Variants in ZFAND3 observed in about 807,000 individuals in gnomAD.
ZFAND3 encodes the protein AN1-type zinc finger protein 3.
A neutral mutation model predicts 29.6 loss-of-function variants in ZFAND3; 10 were observed. The observed-to-expected ratio is 0.34, with a 90% CI of 0.21 to 0.57. The LOEUF is 0.57. Ranked by LOEUF, ZFAND3 falls within the 20% of genes least tolerant of loss-of-function variation. The pLI is 0.86. For synonymous variants in ZFAND3, 128 were observed against 112.6 expected (o/e 1.14, Z -0.87); for missense variants, 230 against 304.5 (o/e 0.76, Z 1.82).
chr6:38,104,037 C>T (rs949847184), intron 4 of ZFAND3, among the ~76,000 whole-genome samples: 5 of 152,178 alleles, frequency 3.3e-5, no homozygotes, highest in African/African-American at 1.2e-4. Flanking sequence ...CAGGAGAGGT[C>T]TTGCTGATAT....
chr6:38,091,737 G>A (rs55764358), intron 4 of ZFAND3, among the ~76,000 whole-genome samples: 1 of 139,004 alleles, frequency 7.2e-6, no homozygotes, highest in Non-Finnish European at 1.5e-5. Flanking sequence ...TCTACTAATA[G>A]AACAGCGCAT....
intron 5 of ZFAND3, among the ~76,000 whole-genome samples, chr6:38,117,271 T>C (rs1418294340): frequency 6.7e-6 from 1 of 149,110 alleles, no homozygotes; most frequent in Non-Finnish European, 1.5e-5. Context: ...TTTTTTTTTT[T>C]TTTTTTTCCT....
intron 3 of ZFAND3, among the ~76,000 whole-genome samples, chr6:38,064,221 T>C (rs1429114714): frequency 6.6e-6 from 1 of 152,248 alleles, no homozygotes; most frequent in Non-Finnish European, 1.5e-5. Context: ...GATTCGTGCA[T>C]ACCAGGATCG....
chr6:37,914,504 G>C (rs1402085486), intron 1 of ZFAND3, among the ~76,000 whole-genome samples: 3 of 151,126 alleles, frequency 2.0e-5, no homozygotes, highest in African/African-American at 7.3e-5. Flanking sequence ...ACACCTGGCT[G>C]ATTTTTGTAT....
intron 2 of ZFAND3, among the ~76,000 whole-genome samples, chr6:37,937,431 C>T (rs369686740): frequency 3.2e-4 from 49 of 151,878 alleles, no homozygotes; most frequent in Admixed American, 4.6e-4. Flanking sequence ...CTGAGGTGGG[C>T]GGATCATGAG....
chr6:37,981,894 C>T (rs1762586709), intron 2 of ZFAND3, among the ~76,000 whole-genome samples: 1 of 152,128 alleles, frequency 6.6e-6, no homozygotes, highest in Non-Finnish European at 1.5e-5. Flanking sequence ...AGACATGATA[C>T]ATCAGTCAGT....
At position 38,118,607 on chromosome 6, in the gene ZFAND3, C is replaced by T. The variant is rs184905290; in HGVS notation, c.529+1868C>T. 4.6e-3 allele frequency among the ~76,000 whole-genome samples: 690 copies of T among 149,910 alleles called. 8 individuals carry two copies. Among genetic ancestry groups the T allele is most frequent in the Non-Finnish European group, 7.3e-3 (491 of 67,646 alleles). On this transcript the variant is annotated intron_variant, in intron 5 of 5. Coordinates refer to ENST00000287218, the MANE Select transcript of ZFAND3 (RefSeq NM_021943.3). ...TCTATCAAGTATGCTGTCTTGTCCC[C>T]GGCAGTGGCTAATGCTTCTTCTTCT...
intron 1 of ZFAND3, among the ~76,000 whole-genome samples, chr6:37,838,790 G>A (rs1002388379): frequency 2.6e-5 from 4 of 152,168 alleles, no homozygotes; most frequent in Non-Finnish European, 5.9e-5. Flanking sequence ...TTGTTTACAA[G>A]TTTTTGTGTG....
intron 2 of ZFAND3, among the ~76,000 whole-genome samples, chr6:38,034,647 A>C (rs1429358942): frequency 6.6e-6 from 1 of 152,174 alleles, no homozygotes; most frequent in Non-Finnish European, 1.5e-5. Context: ...AAGGGGAAGA[A>C]AAAAAGATTC....
rs533026604 is a variant in ZFAND3 at position 38,154,229 on chromosome 6, C to T, written c.*1840C>T. The T allele has an allele frequency of 7.1e-6, 7 of 985,440 alleles. 1 individual carries two copies. Among genetic ancestry groups the T allele is most frequent in the Non-Finnish European group, 4.8e-6 (4 of 830,038 alleles). The allele number at this position is 985,440 out of a possible 1,614,324, so 61.0% of individuals were successfully genotyped here. ...ATAGGCTTCCGCCAAGCTCTGGTCC[C>T]GAAGAGGCTGTGCGAGCCCTTCCCG... On this transcript the variant is annotated 3_prime_UTR_variant, in exon 6 of 6. Coordinates refer to ENST00000287218, the MANE Select transcript of ZFAND3 (RefSeq NM_021943.3).
At chr6:37,947,079 C>A (rs1434570016) in intron 2 of ZFAND3, among the ~76,000 whole-genome samples, 1 of 152,044 alleles carries the variant, frequency 6.6e-6, no homozygotes, top group Non-Finnish European at 1.5e-5. Flanking sequence ...GCACCTAACC[C>A]CAGTTAAAGA....
chr6:37,906,093 C>T (rs1239953980), intron 1 of ZFAND3, among the ~76,000 whole-genome samples: 1 of 152,052 alleles, frequency 6.6e-6, no homozygotes, highest in Admixed American at 6.6e-5. Flanking sequence ...TTAAGTAAAT[C>T]ATTCAGTGGT....
intron 3 of ZFAND3, among the ~76,000 whole-genome samples, chr6:38,074,897 C>A (rs1419196527): frequency 2.6e-5 from 4 of 152,188 alleles, no homozygotes; most frequent in Non-Finnish European, 5.9e-5. Context: ...TCCGCTCTGC[C>A]TGTGTTCTGT....
chr6:38,007,536 C>A (rs537184890), intron 2 of ZFAND3, among the ~76,000 whole-genome samples: 86 of 152,078 alleles, frequency 5.7e-4, no homozygotes, highest in Non-Finnish European at 9.9e-4. Context: ...CAGAGTGAGA[C>A]CCTGTTTCAA....
Position 38,147,679 on chromosome 6 carries a change from G to A in ZFAND3, c.530-4556G>A, listed in dbSNP as rs1312274153. On this transcript the variant is annotated intron_variant, in intron 5 of 5. Transcript: ENST00000287218. The stretch of plus-strand genomic sequence containing the variant: ...CTTTTTAACAATAGCCATACTGACT[G>A]GGGTAAGATATCTCATTGTGGTTTT... 4.6e-5 allele frequency among the ~76,000 whole-genome samples: 7 copies of A among 152,296 alleles called. No homozygotes were observed. The South Asian group carries it at 1.5e-3, about 32-fold the overall frequency.
intron 5 of ZFAND3, among the ~76,000 whole-genome samples, chr6:38,144,827 C>T (rs1311547094): frequency 6.6e-6 from 1 of 152,158 alleles, no homozygotes; most frequent in Non-Finnish European, 1.5e-5. Context: ...TATTATAGTC[C>T]AAAAGTATCC....
At chr6:37,860,981 C>T (rs549009403) in intron 1 of ZFAND3, among the ~76,000 whole-genome samples, 10 of 152,120 alleles carry the variant, frequency 6.6e-5, no homozygotes, top group South Asian at 6.2e-4. Context: ...AGCATAAGGC[C>T]GGGCGTGGTG....
rs896113219 is a variant in ZFAND3, at chr6:37,819,850, G to GC, written c.-90dup. 6.5e-5 allele frequency: 51 copies of GC among 778,898 alleles called. No individual in the cohort carries two copies. Among genetic ancestry groups the GC allele is most frequent in the East Asian group, 4.9e-4 (9 of 18,370 alleles). The allele number at this position is 778,898 out of a possible 1,614,324, so 48.2% of individuals were successfully genotyped here. A position where few individuals can be genotyped will look rare whatever the true frequency, so the allele number is the denominator to read the frequency against. ...CTCCTTCCCCCTCCCCCCGCCCCGA[G>GC]CCCCCCGACGCCGCCGCCACCGCCT... On this transcript the variant is annotated 5_prime_UTR_variant, in exon 1 of 6. Transcript: ENST00000287218.
intron 2 of ZFAND3, among the ~76,000 whole-genome samples, chr6:38,024,780 A>T (rs1040043412): frequency 3.9e-5 from 6 of 152,212 alleles, no homozygotes; most frequent in Non-Finnish European, 7.4e-5. Flanking sequence ...GTAGACTCAG[A>T]TTGGTGGTTA....
Sources: allele counts gnomAD v4.1 joint callset (sites outside exome capture counted in the v4.1 genomes callset), GRCh38; gene constraint gnomAD v4.1.1; transcripts MANE v1.5; gene names NCBI Gene and HGNC (gene_info 2026-07-23, HGNC 2026-07-21).